Variants in SCYL3 observed in about 807,000 individuals in gnomAD.
SCYL3 encodes SCY1 like pseudokinase 3.
A neutral mutation model predicts 73.8 loss-of-function variants in SCYL3; 35 were observed. That is an observed-to-expected ratio of 0.47 (90% CI 0.36 to 0.63). The LOEUF is 0.63. Ranked by LOEUF, SCYL3 falls within the 20% of genes least tolerant of loss-of-function variation. SCYL3 has a pLI of 0.00. For synonymous variants in SCYL3, 277 were observed against 295.2 expected (o/e 0.94, Z 0.63); for missense variants, 712 against 798.9 (o/e 0.89, Z 1.31).
chr1:169,881,153 G>C (rs1027527456), intron 2 of SCYL3, among the ~76,000 whole-genome samples: 1 of 152,188 alleles, frequency 6.6e-6, no homozygotes, highest in Non-Finnish European at 1.5e-5. Context: ...GTGTGTGAAT[G>C]AATGTACAAT....
intron 3 of SCYL3, among the ~76,000 whole-genome samples, chr1:169,876,771 C>G (rs976179713): frequency 1.3e-5 from 2 of 151,792 alleles, no homozygotes; most frequent in Non-Finnish European, 2.9e-5. Context: ...CTGGTTAACA[C>G]GGTGAAACCG....
chr1:169,878,892 G>A, intron 2 of SCYL3, 73 bp from the exon 3 acceptor site: 1 of 1,345,144 alleles, frequency 7.4e-7, no homozygotes, highest in Admixed American at 2.3e-5. Context: ...ACATTATGGG[G>A]GAAATCAGAA....
intron 11 of SCYL3, among the ~76,000 whole-genome samples, chr1:169,856,336 G>GA (rs1659155790): frequency 6.6e-6 from 1 of 152,322 alleles, no homozygotes; most frequent in Admixed American, 6.5e-5. Flanking sequence ...ATAAGAATAT[G>GA]AATGTAGTGA....
chr1:169,867,905 G>A (rs1441249848), intron 7 of SCYL3, among the ~76,000 whole-genome samples: 1 of 151,986 alleles, frequency 6.6e-6, no homozygotes, highest in Non-Finnish European at 1.5e-5. Flanking sequence ...TTTACCATAA[G>A]GGATTGTTCT....
chr1:169,858,073 C>T (rs1659331497), intron 11 of SCYL3, among the ~76,000 whole-genome samples: 1 of 152,168 alleles, frequency 6.6e-6, no homozygotes, highest in Admixed American at 6.5e-5. Flanking sequence ...AAACACTACA[C>T]TTAGGCTACA....
At position 169,876,958 on chromosome 1, in the gene SCYL3, TAAAAAAAAAA is replaced by T. The variant is rs61051062; in HGVS notation, c.352-877_352-868del. On this transcript the variant is annotated intron_variant, in intron 3 of 12. Coordinates refer to ENST00000367771, the MANE Select transcript of SCYL3 (RefSeq NM_020423.7). The stretch of plus-strand genomic sequence containing the variant: ...CGACAGAGTGAGACCTTGTCTCAAA[TAAAAAAAAAA>T]AAAAAAAAAAAAAAAAAAAAGAAAT... 5.1e-3 allele frequency among the ~76,000 whole-genome samples: 392 copies of T among 76,434 alleles called. 1 individual carries two copies. Among genetic ancestry groups the T allele is most frequent in the Non-Finnish European group, 7.7e-3 (328 of 42,404 alleles). The allele number at this position is 76,434 out of a possible 152,430, so 50.1% of individuals were successfully genotyped here.
At chr1:169,881,169 T>C (rs1661221188) in intron 2 of SCYL3, among the ~76,000 whole-genome samples, 1 of 152,242 alleles carries the variant, frequency 6.6e-6, no homozygotes, top group Admixed American at 6.5e-5. Context: ...ACAATTAATA[T>C]GTAACAAAGA....
chr1:169,854,092 T>A (rs1444926581), intron 12 of SCYL3, 178 bp downstream of exon 12: 10 of 600,192 alleles, frequency 1.7e-5, no homozygotes, highest in Non-Finnish European at 2.3e-5. Flanking sequence ...TAAGCATTGC[T>A]ACATTTTTCT....
intron 8 of SCYL3, 110 bp downstream of exon 8, chr1:169,866,786 T>C: frequency 1.5e-6 from 1 of 684,698 alleles, no homozygotes; most frequent in Non-Finnish European, 2.6e-6. Context: ...AAATGTTCAA[T>C]AAATGTGAAA....
intron 10 of SCYL3, among the ~76,000 whole-genome samples, chr1:169,860,910 A>G (rs948341234): frequency 6.6e-6 from 1 of 152,192 alleles, no homozygotes; most frequent in Non-Finnish European, 1.5e-5. Context: ...TTTCTAGCAC[A>G]CACAAATTGG....
rs1364977633 is a variant in SCYL3 at position 169,852,982 on chromosome 1, G to C, written c.*731C>G. On this transcript the variant is annotated 3_prime_UTR_variant, in exon 13 of 13. Coordinates refer to ENST00000367771, the MANE Select transcript of SCYL3 (RefSeq NM_020423.7). ...GCTAAAACGTTACATACATACTCTA[G>C]GGTGAAACTTATCACTAGGCAGAAC... The C allele has an allele frequency of 1.9e-6, 3 of 1,613,592 alleles. No homozygotes were observed. The highest frequency in any genetic ancestry group is 2.2e-5 in the South Asian group (2 of 91,068).
chr1:169,891,571 C>A (rs1044803624), intron 1 of SCYL3, among the ~76,000 whole-genome samples: 1 of 152,226 alleles, frequency 6.6e-6, no homozygotes, highest in African/African-American at 2.4e-5. Flanking sequence ...CTGACCGTCT[C>A]TCTCTCACCC....
At chr1:169,870,578 G>A (rs1660321151) in intron 5 of SCYL3, among the ~76,000 whole-genome samples, 1 of 152,142 alleles carries the variant, frequency 6.6e-6, no homozygotes, top group Non-Finnish European at 1.5e-5. Flanking sequence ...GTTAGAATAT[G>A]GCACATGTCG....
rs1571367133 is a variant in SCYL3 at position 169,853,213 on chromosome 1, C to T, written c.*500G>A. On this transcript the variant is annotated 3_prime_UTR_variant, in exon 13 of 13. Coordinates refer to ENST00000367771, the MANE Select transcript of SCYL3 (RefSeq NM_020423.7). ...GGAACTGCCTAGGTCCACAAAGAAC[C>T]ATTTACTCAGATAGTCTAACTGTAA... 5.5e-6 allele frequency: 3 copies of T among 547,928 alleles called. No homozygotes were observed. The highest frequency in any genetic ancestry group is 9.7e-6 in the Non-Finnish European group (3 of 309,374). 33.9% of individuals were successfully genotyped at this position (547,928 alleles called of 1,614,324 possible). A position where few individuals can be genotyped will look rare whatever the true frequency, so the allele number is the denominator to read the frequency against.
intron 2 of SCYL3, among the ~76,000 whole-genome samples, chr1:169,882,848 C>T (rs963274328): frequency 1.3e-5 from 2 of 152,122 alleles, no homozygotes; most frequent in African/African-American, 2.4e-5. Context: ...CACAAATCAG[C>T]GCCCTGTCAA....
At position 169,849,874 on chromosome 1, in the gene SCYL3, C is replaced by G. The variant is rs1043719544; in HGVS notation, c.*3839G>C. The G allele has an allele frequency of 4.1e-6, 2 of 487,050 alleles. No individual in the cohort carries two copies. Among genetic ancestry groups the G allele is most frequent in the Non-Finnish European group, 7.3e-6 (2 of 272,286 alleles). 30.2% of individuals were successfully genotyped at this position (487,050 alleles called of 1,614,324 possible). On this transcript the variant is annotated 3_prime_UTR_variant, in exon 13 of 13. Coordinates refer to ENST00000367771, the MANE Select transcript of SCYL3 (RefSeq NM_020423.7). ...TACAGACAGACACAGACACAGTCTT[C>G]CAGCAGATAGTATTTTTGGGTCAAA...
At position 169,852,836 on chromosome 1, in the gene SCYL3, A is replaced by G. The variant is rs1394404111; in HGVS notation, c.*877T>C. The G allele has an allele frequency of 6.2e-7, 1 of 1,614,154 alleles. No individual in the cohort carries two copies. The highest frequency in any genetic ancestry group is 1.7e-5 in the Admixed American group (1 of 60,024). ...CAGGAGTTCCCCTGGGAAGAAGAGT[A>G]CAGGTCAGCGCTGCATACAATAGCA... On this transcript the variant is annotated 3_prime_UTR_variant, in exon 13 of 13. Transcript: ENST00000367771.
intron 12 of SCYL3, 178 bp downstream of exon 12, chr1:169,854,092 T>TACATTTTTC: frequency 1.7e-6 from 1 of 600,308 alleles, no homozygotes; most frequent in Non-Finnish European, 2.8e-6. Flanking sequence ...TAAGCATTGC[T>TACATTTTTC]ACATTTTTCT....
intron 7 of SCYL3, among the ~76,000 whole-genome samples, chr1:169,868,021 A>G (rs1473841253): frequency 6.6e-6 from 1 of 152,238 alleles, no homozygotes; most frequent in Non-Finnish European, 1.5e-5. Context: ...TAAAATTTGT[A>G]TTTGTCAATT....
Sources: gnomAD v4.1 joint callset for allele counts (sites outside exome capture counted in the v4.1 genomes callset) on GRCh38, gnomAD v4.1.1 for gene constraint, MANE v1.5 for transcripts, NCBI Gene and HGNC (gene_info 2026-07-23, HGNC 2026-07-21) for gene names.